The following ADAMTS9 variants were observed in gnomAD, a reference collection of about 807,000 sequenced individuals.
ADAMTS9 encodes A disintegrin and metalloproteinase with thrombospondin motifs 9.
A neutral mutation model predicts 257.1 loss-of-function variants in ADAMTS9; 107 were observed. That is an observed-to-expected ratio of 0.42 (90% CI 0.36 to 0.49). The LOEUF (loss-of-function observed/expected upper bound fraction) is 0.49. ADAMTS9 is among the 20% of genes least tolerant of loss of function. The probability of loss-of-function intolerance (pLI) is 0.03; values close to 1 mark genes in which losing one functional copy is unlikely to be tolerated. For synonymous variants in ADAMTS9, 982 were observed against 880.9 expected, an observed-to-expected ratio of 1.11 and a Z score of -2.03; for missense variants, 2,353 against 2,469.1, an observed-to-expected ratio of 0.95 and a Z score of 1.00.
intron 16 of ADAMTS9, 131 bp downstream of exon 16, chr3:64,631,324 G>C: frequency 1.4e-6 from 1 of 720,584 alleles, no homozygotes; most frequent in Non-Finnish European, 2.4e-6. Context: ...TGAATTTTGA[G>C]AGCCACTTAT....
intron 29 of ADAMTS9, among the ~76,000 whole-genome samples, chr3:64,564,340 T>C (rs1209386953): frequency 6.6e-6 from 1 of 152,186 alleles, no homozygotes; most frequent in Non-Finnish European, 1.5e-5. Context: ...GAATCTCCAT[T>C]GAACTTTTGA....
intron 3 of ADAMTS9, among the ~76,000 whole-genome samples, chr3:64,673,041 G>A (rs529595063): frequency 2.4e-4 from 36 of 152,228 alleles, no homozygotes; most frequent in African/African-American, 6.7e-4. Context: ...TATGTACCAC[G>A]TAGCCTAGGA....
At chr3:64,647,861 A>G (rs1700835437) in intron 11 of ADAMTS9, 79 bp downstream of exon 11, 1 of 1,222,628 alleles carries the variant, frequency 8.2e-7, no homozygotes, top group Non-Finnish European at 1.2e-6. Context: ...TATATTCTAA[A>G]CATCGGTGTC....
At chr3:64,656,391 T>C (rs1158867228) in intron 4 of ADAMTS9, among the ~76,000 whole-genome samples, 1 of 152,124 alleles carries the variant, frequency 6.6e-6, no homozygotes, top group Non-Finnish European at 1.5e-5. Flanking sequence ...CATACACACA[T>C]GCATTTAGTC....
chr3:64,559,376 T>C (rs534317790), intron 30 of ADAMTS9, among the ~76,000 whole-genome samples: 105 of 152,270 alleles, frequency 6.9e-4, no homozygotes, highest in Non-Finnish European at 9.4e-4. Context: ...AGGAATATCA[T>C]AGGAGATACT....
intron 38 of ADAMTS9, among the ~76,000 whole-genome samples, chr3:64,532,454 A>C (rs908427386): frequency 3.9e-5 from 6 of 152,140 alleles, no homozygotes; most frequent in Non-Finnish European, 5.9e-5. Flanking sequence ...TCTGCTTTTG[A>C]ACCATGGTGA....
chr3:64,622,476 TCTCGGA>T lies in ADAMTS9; in HGVS notation c.2494_2499del (p.Ser832_Glu833del), dbSNP rs775077874. 6.2e-7 allele frequency: 1 copy of T among 1,614,098 alleles called. No individual in the cohort carries two copies. Among genetic ancestry groups the T allele is most frequent in the Non-Finnish European group, 8.5e-7 (1 of 1,179,986 alleles). On this transcript the variant is annotated inframe_deletion, in exon 17 of 40. Coordinates refer to ENST00000498707, the MANE Select transcript of ADAMTS9 (RefSeq NM_182920.2). Reference sequence around the variant, plus strand: ...GTTGAGTTAATTCTTTCTACGGCAGTCTCGGACCCACTGTACTCTACCACAGCATTC... The same window carrying T: ...GTTGAGTTAATTCTTTCTACGGCAGTCCCACTGTACTCTACCACAGCATTC...
intron 38 of ADAMTS9, among the ~76,000 whole-genome samples, chr3:64,523,691 T>A (rs964998261): frequency 6.6e-6 from 1 of 152,178 alleles, no homozygotes; most frequent in Non-Finnish European, 1.5e-5. Flanking sequence ...ATAGAACTAG[T>A]AGTATCAATA....
chr3:64,578,755 G>C (rs2083921151), intron 28 of ADAMTS9, among the ~76,000 whole-genome samples: 1 of 152,112 alleles, frequency 6.6e-6, no homozygotes, highest in Non-Finnish European at 1.5e-5. Flanking sequence ...CACTTGTCCA[G>C]TCCATAAAAC....
At chr3:64,609,044 G>T (rs1300585389) in intron 22 of ADAMTS9, among the ~76,000 whole-genome samples, 1 of 151,772 alleles carries the variant, frequency 6.6e-6, no homozygotes, top group Non-Finnish European at 1.5e-5. Flanking sequence ...CTAAATTAAA[G>T]AAAACCATAT....
Position 64,541,412 on chromosome 3 carries a change from T to C in ADAMTS9, c.5295A>G (p.Ile1765Met), listed in dbSNP as rs755640843. ...FLMIRGKLLK[I>M]FCAGMHSDHP... ...GGTCAGAGTGCATCCCCGCACAGAA[T>C]ATCTGAAAGACCATAAATAACCCAT... is the stretch of plus-strand genomic sequence containing the variant. Residue 1765 changes from isoleucine (I) to methionine (M), a missense_variant and splice_region_variant, in exon 35 of 40, where the codon ATA becomes ATG. Physicochemically the swap from Ile to Met is conservative, Grantham distance 10. Transcript: ENST00000498707. The C allele has an allele frequency of 4.3e-6, 7 of 1,613,884 alleles. No individual in the cohort carries two copies. In the African/African-American group the frequency reaches 5.3e-5, roughly 12 times the overall value.
intron 30 of ADAMTS9, 48 bp from the exon 31 acceptor site, chr3:64,551,110 C>T (rs757829104): frequency 1.3e-6 from 2 of 1,581,664 alleles, no homozygotes; most frequent in African/African-American, 1.3e-5. Flanking sequence ...TTCCTTATAT[C>T]CTATGACTGT....
chr3:64,637,157 C>T lies in ADAMTS9; in HGVS notation c.1857-3278G>A, dbSNP rs79570387. Among the ~76,000 whole-genome samples, 84 of 152,280 alleles carry T rather than the reference C, an allele frequency of 5.5e-4. 3 individuals are homozygous for T. The East Asian group carries it at 0.015, about 27-fold the overall frequency. On this transcript the variant is annotated intron_variant, in intron 12 of 39. Transcript: ENST00000498707. Reference sequence around the variant, plus strand: ...TGGCCTTCTGAACTACATATGTTTCCTCTCTCCCAGATTGCTGCCTGATTT... The same window carrying T: ...TGGCCTTCTGAACTACATATGTTTCTTCTCTCCCAGATTGCTGCCTGATTT...
intron 31 of ADAMTS9, among the ~76,000 whole-genome samples, chr3:64,547,328 C>A (rs964055247): frequency 7.7e-6 from 1 of 129,510 alleles, no homozygotes; most frequent in Non-Finnish European, 1.6e-5. Context: ...CTATGATGAC[C>A]ACCAAATTGG....
intron 30 of ADAMTS9, among the ~76,000 whole-genome samples, chr3:64,556,721 C>CCTTCCTTCCTTA (rs1300171684): frequency 7.2e-6 from 1 of 139,380 alleles, no homozygotes; most frequent in Non-Finnish European, 1.5e-5. Flanking sequence ...TTTTTTCCTT[C>CCTTCCTTCCTTA]CTTCCTTCCT....
intron 28 of ADAMTS9, among the ~76,000 whole-genome samples, chr3:64,571,087 AAG>A (rs1446656020): frequency 3.3e-5 from 5 of 152,214 alleles, no homozygotes; most frequent in Admixed American, 6.5e-5. Flanking sequence ...TATAAGGGAA[AAG>A]AGAGTTGTTA....
At chr3:64,645,818 C>G (rs1249827323) in intron 11 of ADAMTS9, among the ~76,000 whole-genome samples, 3 of 152,158 alleles carry the variant, frequency 2.0e-5, no homozygotes. Context: ...CACCCACTTG[C>G]TTGTGTTTAG....
chr3:64,534,360 CT>C (rs1284276326), intron 37 of ADAMTS9, among the ~76,000 whole-genome samples: 1 of 152,192 alleles, frequency 6.6e-6, no homozygotes, highest in Admixed American at 6.5e-5. Flanking sequence ...TCAGCTATGG[CT>C]GGCGCTTAGT....
At chr3:64,593,065 A>G (rs2084292586) in intron 28 of ADAMTS9, among the ~76,000 whole-genome samples, 1 of 152,192 alleles carries the variant, frequency 6.6e-6, no homozygotes, top group African/African-American at 2.4e-5. Context: ...GACTAGAGAT[A>G]CAACAGACCA....
Sources: allele counts gnomAD v4.1 joint callset (sites outside exome capture counted in the v4.1 genomes callset), GRCh38; gene constraint gnomAD v4.1.1; transcripts MANE v1.5; gene names NCBI Gene and HGNC (gene_info 2026-07-23, HGNC 2026-07-21).